The following TSGA10 variants were observed in gnomAD, a reference collection of about 807,000 sequenced individuals.
TSGA10 encodes testis specific 10.
In TSGA10, 43 loss-of-function variants were observed where a neutral mutation model predicts 96.6. The observed-to-expected ratio is 0.44, with a 90% CI of 0.35 to 0.57. The LOEUF (loss-of-function observed/expected upper bound fraction) is 0.57. Ranked by LOEUF, TSGA10 falls within the 20% of genes least tolerant of loss-of-function variation. The probability of loss-of-function intolerance (pLI) is 0.01; values close to 1 mark genes in which losing one functional copy is unlikely to be tolerated. For synonymous variants in TSGA10, 229 were observed against 269.9 expected (o/e 0.85, Z 1.48); for missense variants, 703 against 834.4 (o/e 0.84, Z 1.94).
intron 17 of TSGA10, among the ~76,000 whole-genome samples, chr2:99,021,294 T>A (rs1558748884): frequency 6.6e-6 from 1 of 151,908 alleles, no homozygotes; most frequent in Admixed American, 6.6e-5. Flanking sequence ...AAAAGTTTCA[T>A]CACATTAAAA....
At chr2:99,074,797 G>C (rs1411205744) in intron 12 of TSGA10, among the ~76,000 whole-genome samples, 2 of 151,604 alleles carry the variant, frequency 1.3e-5, no homozygotes, top group African/African-American at 4.8e-5. Context: ...CATCTCTACT[G>C]AAAATACAAA....
At chr2:99,062,979 T>G (rs2084865569) in intron 16 of TSGA10, among the ~76,000 whole-genome samples, 1 of 152,190 alleles carries the variant, frequency 6.6e-6, no homozygotes, top group Admixed American at 6.5e-5. Flanking sequence ...CCAGATAATT[T>G]GAGGGAACAT....
At chr2:99,125,628 G>C (rs531892684) in intron 2 of TSGA10, 1 of 152,200 alleles carries the variant, frequency 6.6e-6, no homozygotes, top group Admixed American at 6.6e-5. Context: ...TAAGACTCTG[G>C]ATCTTATGTT....
chr2:99,091,011 G>A (rs1487642668), intron 10 of TSGA10, among the ~76,000 whole-genome samples: 1 of 152,122 alleles, frequency 6.6e-6, no homozygotes, highest in Non-Finnish European at 1.5e-5. Context: ...AGAATATTAA[G>A]AGCTGTGAGG....
intron 4 of TSGA10, chr2:99,117,104 G>A (rs1030549681): frequency 1.3e-5 from 2 of 152,158 alleles, no homozygotes; most frequent in Admixed American, 6.5e-5. Flanking sequence ...CTTTCTTTTG[G>A]ATGTATACCC....
rs1364855508 is a variant in TSGA10, at chr2:99,127,106, A to C, written c.-550T>G. Reference sequence around the variant, plus strand: ...GTTTCTCACTTCTTGTTCTAGCTGGAGAGTATTCTGGTAGTTTTCAGCTTC... The same window carrying C: ...GTTTCTCACTTCTTGTTCTAGCTGGCGAGTATTCTGGTAGTTTTCAGCTTC... On this transcript the variant is annotated 5_prime_UTR_variant, in exon 2 of 21. Coordinates refer to ENST00000393483, the MANE Select transcript of TSGA10 (RefSeq NM_025244.4). The C allele has an allele frequency of 1.6e-6, 2 of 1,289,538 alleles. No homozygotes were observed. The highest frequency in any genetic ancestry group is 1.0e-6 in the Non-Finnish European group (1 of 988,828). The allele number at this position is 1,289,538 out of a possible 1,614,324, so 79.9% of individuals were successfully genotyped here.
At chr2:98,998,718 G>A (rs907546793) in intron 20 of TSGA10, among the ~76,000 whole-genome samples, 2 of 152,050 alleles carry the variant, frequency 1.3e-5, no homozygotes, top group African/African-American at 2.4e-5. Flanking sequence ...AAACAAATGA[G>A]TGCATCTAAA....
intron 4 of TSGA10, among the ~76,000 whole-genome samples, chr2:99,112,354 C>T (rs918616057): frequency 6.6e-6 from 1 of 152,180 alleles, no homozygotes; most frequent in South Asian, 2.1e-4. Flanking sequence ...ACGTTCTAAG[C>T]ACTTGAGTTA....
Position 99,035,373 on chromosome 2 carries a change from C to T in TSGA10, c.1471G>A (p.Glu491Lys), listed in dbSNP as rs867439656. Residue 491 changes from glutamate to lysine, a missense_variant, in exon 17 of 21, where the codon GAA (glutamate) becomes AAA (lysine). Glu to Lys is a moderately conservative substitution (Grantham distance 56). This residue lies in a region of TSGA10 where 585 missense variants were observed against 656.8 expected (regional missense o/e 0.89). Transcript: ENST00000393483. ...AACTGAACCTTCTGAAGCTCCTCTT[C>T]CATTTTTACAACAGATTTATGTAAG... is the stretch of plus-strand genomic sequence containing the variant. ...STLHKSVVKM[E>K]EELQKVQFEK... 1 of 1,613,028 alleles carries T rather than the reference C, an allele frequency of 6.2e-7. No individual in the cohort carries two copies.
chr2:99,061,100 T>C (rs1293175970), intron 16 of TSGA10, among the ~76,000 whole-genome samples: 1 of 152,210 alleles, frequency 6.6e-6, no homozygotes, highest in East Asian at 1.9e-4. Flanking sequence ...AGAATGATTT[T>C]ATTAAGAAAA....
chr2:99,077,126 C>CTTTTTTTTTTTTTTTTTTTTTTTTTTTTT, intron 12 of TSGA10, among the ~76,000 whole-genome samples: 1 of 124,480 alleles, frequency 8.0e-6, no homozygotes, highest in Admixed American at 8.2e-5. Flanking sequence ...GGACCATTCA[C>CTTTTTTTTTTTTTTTTTTTTTTTTTTTTT]CTTTTTTTTT....
intron 17 of TSGA10, among the ~76,000 whole-genome samples, chr2:99,032,726 CAT>C (rs1326431686): frequency 1.3e-5 from 2 of 152,150 alleles, no homozygotes; most frequent in Non-Finnish European, 2.9e-5. Flanking sequence ...AGGATAATGT[CAT>C]AAAATTTTAG....
At chr2:99,042,382 C>T (rs142271641) in intron 16 of TSGA10, among the ~76,000 whole-genome samples, 1,684 of 152,220 alleles carry the variant, frequency 0.011, 10 homozygotes, top group Middle Eastern at 0.027. Flanking sequence ...GCGCTGTAGA[C>T]GGGACATGGC....
At chr2:99,012,339 C>G (rs1437204985) in intron 20 of TSGA10, among the ~76,000 whole-genome samples, 1 of 152,064 alleles carries the variant, frequency 6.6e-6, no homozygotes. Flanking sequence ...CATCTTAATA[C>G]TAATGTTGAA....
At chr2:99,124,026 C>T (rs1036362885) in intron 2 of TSGA10, among the ~76,000 whole-genome samples, 1 of 152,154 alleles carries the variant, frequency 6.6e-6, no homozygotes, top group Admixed American at 6.5e-5. Flanking sequence ...TATTATTAGT[C>T]TGTCTTTAAA....
intron 1 of TSGA10, among the ~76,000 whole-genome samples, chr2:99,128,734 T>G (rs1422443533): frequency 6.6e-6 from 1 of 152,172 alleles, no homozygotes; most frequent in Non-Finnish European, 1.5e-5. Context: ...ACCTCCTACT[T>G]GATACCTCCA....
chr2:99,043,215 T>C (rs1350768868), intron 16 of TSGA10, among the ~76,000 whole-genome samples: 1 of 152,040 alleles, frequency 6.6e-6, no homozygotes, highest in Non-Finnish European at 1.5e-5. Flanking sequence ...AAATGGAATG[T>C]CTGAAACTTG....
chr2:99,116,855 C>T (rs2092298268), intron 4 of TSGA10, among the ~76,000 whole-genome samples: 1 of 152,190 alleles, frequency 6.6e-6, no homozygotes, highest in South Asian at 2.1e-4. Context: ...ATATCCATCA[C>T]CTTAAAAATT....
intron 16 of TSGA10, among the ~76,000 whole-genome samples, chr2:99,059,624 G>C (rs1420907518): frequency 6.6e-6 from 1 of 151,932 alleles, no homozygotes; most frequent in African/African-American, 2.4e-5. Flanking sequence ...GGGCGACAGA[G>C]CAAGACTCAG....
Sources: gnomAD v4.1 joint callset for allele counts (sites outside exome capture counted in the v4.1 genomes callset) on GRCh38, gnomAD v4.1.1 for gene constraint, gnomAD v4.1.1 regional missense constraint, MANE v1.5 for transcripts, NCBI Gene and HGNC (gene_info 2026-07-23, HGNC 2026-07-21) for gene names.